The following DNAH3 variants were observed in gnomAD, a reference collection of about 807,000 sequenced individuals.
DNAH3 encodes the protein axonemal beta dynein heavy chain 3.
A neutral mutation model predicts 432.5 loss-of-function variants in DNAH3; 332 were observed. The observed-to-expected ratio is 0.77, with a 90% CI of 0.70 to 0.84. DNAH3 has a LOEUF of 0.84. DNAH3 is among the 40% of genes least tolerant of loss of function. DNAH3 has a pLI of 0.00. For synonymous variants in DNAH3, 1,956 were observed against 1,900.2 expected (o/e 1.03, Z -0.76); for missense variants, 4,861 against 5,114.0 (o/e 0.95, Z 1.51).
intron 57 of DNAH3, among the ~76,000 whole-genome samples, chr16:20,945,957 T>C (rs2084027016): frequency 6.6e-6 from 1 of 152,144 alleles, no homozygotes; most frequent in South Asian, 2.1e-4. Flanking sequence ...AGTTTCCTTA[T>C]CTGTAAATAG....
At chr16:20,979,894 C>T (rs776331072) in intron 49 of DNAH3, among the ~76,000 whole-genome samples, 1 of 152,146 alleles carries the variant, frequency 6.6e-6, no homozygotes, top group African/African-American at 2.4e-5. Context: ...GGATTACAGG[C>T]ATGTGCCACC....
intron 5 of DNAH3, among the ~76,000 whole-genome samples, chr16:21,137,213 G>C (rs1208948490): frequency 6.7e-6 from 1 of 148,698 alleles, no homozygotes; most frequent in Non-Finnish European, 1.5e-5. Context: ...CACTGGTCCT[G>C]ATTCTGCCTT....
intron 31 of DNAH3, among the ~76,000 whole-genome samples, chr16:21,042,478 T>G (rs918593041): frequency 1.3e-5 from 2 of 152,150 alleles, no homozygotes; most frequent in Admixed American, 1.3e-4. Flanking sequence ...CAGTAGGTAT[T>G]CTGTGTTTAT....
At chr16:21,047,436 T>A (rs2089754222) in intron 31 of DNAH3, among the ~76,000 whole-genome samples, 1 of 152,142 alleles carries the variant, frequency 6.6e-6, no homozygotes, top group Admixed American at 6.6e-5. Flanking sequence ...TCATCTTCCA[T>A]CGCTGATACC....
chr16:21,156,540 G>A (rs2092898614), intron 1 of DNAH3, among the ~76,000 whole-genome samples: 1 of 152,046 alleles, frequency 6.6e-6, no homozygotes, highest in Non-Finnish European at 1.5e-5. Context: ...TTTTATAAGG[G>A]CACTAATCCC....
At chr16:21,113,852 G>A (rs1057003884) in intron 12 of DNAH3, among the ~76,000 whole-genome samples, 1 of 152,184 alleles carries the variant, frequency 6.6e-6, no homozygotes, top group African/African-American at 2.4e-5. Context: ...ATGAATTAAT[G>A]CTGTGCCTGA....
At chr16:20,995,948 G>A (rs544010298) in intron 44 of DNAH3, among the ~76,000 whole-genome samples, 2 of 152,232 alleles carry the variant, frequency 1.3e-5, no homozygotes, top group East Asian at 1.9e-4. Context: ...ATTCCTTCCC[G>A]CTGCGTTCTC....
chr16:21,091,947 T>C (rs2091548333), intron 18 of DNAH3, among the ~76,000 whole-genome samples: 1 of 152,188 alleles, frequency 6.6e-6, no homozygotes, highest in African/African-American at 2.4e-5. Flanking sequence ...CAAAAAACTC[T>C]GATGAAAGAA....
At position 21,064,175 on chromosome 16, in the gene DNAH3, C is replaced by T. The variant is rs546354965; in HGVS notation, c.3519-1492G>A. Among the ~76,000 whole-genome samples, 3 of 152,306 alleles carry T rather than the reference C, an allele frequency of 2.0e-5. No individual in the cohort carries two copies. In the South Asian group the frequency reaches 6.2e-4, roughly 32 times the overall value. On this transcript the variant is annotated intron_variant, in intron 24 of 61. Transcript: ENST00000261383. The stretch of plus-strand genomic sequence containing the variant: ...CGTTCTAAGCCTAGGCATCAAGAGG[C>T]CATGATGCTTTCACTCTTGCTGCTC...
intron 7 of DNAH3, among the ~76,000 whole-genome samples, chr16:21,131,986 A>T (rs1279422938): frequency 3.9e-5 from 6 of 152,118 alleles, no homozygotes; most frequent in African/African-American, 1.4e-4. Context: ...CAGAATTCAG[A>T]TCCCATTCTA....
intron 1 of DNAH3, among the ~76,000 whole-genome samples, chr16:21,155,348 G>A (rs1003816981): frequency 5.9e-5 from 9 of 152,036 alleles, no homozygotes; most frequent in African/African-American, 2.2e-4. Context: ...TTAGGGCCGG[G>A]AGCAGTGGCT....
At chr16:21,143,348 A>T (rs77125383) in intron 3 of DNAH3, among the ~76,000 whole-genome samples, 3,517 of 152,044 alleles carry the variant, frequency 0.023, 138 homozygotes, top group African/African-American at 0.08. Flanking sequence ...GTGCCTTTAT[A>T]AAAAAAACAG....
At chr16:20,964,363 G>C (rs761593751) in exon 53 of DNAH3, 1 of 1,614,090 alleles carries the variant, frequency 6.2e-7, no homozygotes, top group African/African-American at 1.3e-5. Flanking sequence ...CCTCAAACGG[G>C]TTGTGATGTA....
intron 44 of DNAH3, among the ~76,000 whole-genome samples, chr16:20,989,095 A>G (rs981927825): frequency 6.6e-6 from 1 of 152,206 alleles, no homozygotes; most frequent in African/African-American, 2.4e-5. Context: ...ACAGTGCGGA[A>G]AGAGACCCGA....
intron 33 of DNAH3, 105 bp downstream of exon 33, chr16:21,039,747 A>C: frequency 1.1e-6 from 1 of 901,004 alleles, no homozygotes; most frequent in Non-Finnish European, 1.9e-6. Context: ...CAAGTTTCTC[A>C]AGCTTCTCTC....
intron 7 of DNAH3, among the ~76,000 whole-genome samples, chr16:21,133,288 G>A (rs944150040): frequency 6.0e-5 from 9 of 151,088 alleles, no homozygotes; most frequent in African/African-American, 2.2e-4. Flanking sequence ...GCTTCAGCTT[G>A]GGAGGAGGAG....
exon 53 of DNAH3, chr16:20,964,644 T>C: frequency 6.2e-7 from 1 of 1,614,164 alleles, no homozygotes; most frequent in South Asian, 1.1e-5. Flanking sequence ...GGTCAATCAT[T>C]AAGGCCCAGC....
At chr16:21,011,349 TTTTTC>T (rs1166001838) in intron 41 of DNAH3, among the ~76,000 whole-genome samples, 2 of 152,186 alleles carry the variant, frequency 1.3e-5, no homozygotes, top group Non-Finnish European at 2.9e-5. Context: ...CTGAACTTTC[TTTTTC>T]TTTTGAGACA....
At chr16:21,123,810 G>C (rs188281121) in intron 9 of DNAH3, among the ~76,000 whole-genome samples, 1 of 150,396 alleles carries the variant, frequency 6.6e-6, no homozygotes, top group Admixed American at 6.6e-5. Flanking sequence ...TTTTTTTTTA[G>C]ACAGAGTCTC....
Sources: gnomAD v4.1 joint callset for allele counts (sites outside exome capture counted in the v4.1 genomes callset) on GRCh38, gnomAD v4.1.1 for gene constraint, MANE v1.5 for transcripts, NCBI Gene and HGNC (gene_info 2026-07-23, HGNC 2026-07-21) for gene names.